The following PLCH1 variants were observed in gnomAD, a reference collection of about 807,000 sequenced individuals.
PLCH1 encodes the protein 1-phosphatidylinositol 4,5-bisphosphate phosphodiesterase eta-1.
In PLCH1, 60 loss-of-function variants were observed where a neutral mutation model predicts 126.7. The observed-to-expected ratio is 0.47, with a 90% CI of 0.38 to 0.59. The LOEUF (loss-of-function observed/expected upper bound fraction) is 0.59, where lower values mean the gene tolerates loss of function less well. Ranked by LOEUF, PLCH1 falls within the 20% of genes least tolerant of loss-of-function variation. PLCH1 has a pLI of 0.00. For missense variants in PLCH1, 1,723 were observed against 2,040.0 expected (o/e 0.84, Z 2.99); for synonymous variants, 719 against 734.9 (o/e 0.98, Z 0.35).
rs1171483291 is a variant in PLCH1, at chr3:155,594,185, CTG to C, written c.227-3_227-2del. ...ACTTTGTAAATGGAATCAATAAGTACTGTGAGGAAAATGAGATACACACAGTT... is the reference window on the plus strand; with the variant it reads ...ACTTTGTAAATGGAATCAATAAGTACTGAGGAAAATGAGATACACACAGTT... On this transcript the variant is annotated splice_acceptor_variant and splice_polypyrimidine_tract_variant and intron_variant, in intron 3 of 22. Coordinates refer to ENST00000460012, the MANE Select transcript of PLCH1 (RefSeq NM_014996.4). LOFTEE classifies it high-confidence loss of function. 1 of 1,612,564 alleles carries C rather than the reference CTG, an allele frequency of 6.2e-7. No homozygotes were observed. Among genetic ancestry groups the C allele is most frequent in the Non-Finnish European group, 8.5e-7 (1 of 1,178,968 alleles).
At chr3:155,638,753 T>C (rs529709631) in intron 2 of PLCH1, among the ~76,000 whole-genome samples, 1 of 152,218 alleles carries the variant, frequency 6.6e-6, no homozygotes, top group Admixed American at 6.5e-5. Flanking sequence ...TCATGCAACA[T>C]TGCTGTTAGA....
chr3:155,567,595 G>A (rs1474137858), intron 7 of PLCH1, among the ~76,000 whole-genome samples: 1 of 151,960 alleles, frequency 6.6e-6, no homozygotes, highest in South Asian at 2.1e-4. Context: ...CCTCCTCTTG[G>A]GTGGCAGCCT....
intron 2 of PLCH1, among the ~76,000 whole-genome samples, chr3:155,654,866 G>A (rs1348771174): frequency 4.6e-5 from 7 of 152,080 alleles, no homozygotes; most frequent in African/African-American, 7.2e-5. Context: ...TTACCCTTAG[G>A]AAAAACTCTA....
In PLCH1 at chr3:155,494,200, G is replaced by A; in HGVS notation, c.2123C>T (p.Ala708Val). 6.2e-7 allele frequency: 1 copy of A among 1,614,132 alleles called. No individual in the cohort carries two copies. Among genetic ancestry groups the A allele is most frequent in the Non-Finnish European group, 8.5e-7 (1 of 1,180,000 alleles). ...ACAATTGCCATTTGCCTTGAATTTG[G>A]CTCGGTTTAACTGCATCATTCGTCC... The part of the protein sequence containing the change: ...SEGRMMQLNR[A>V]KFKANGNCGY... The change falls in exon 17 of 23, where the codon GCC (alanine) becomes GTC (valine). Residue 708 changes from alanine to valine, a missense_variant. Ala to Val is a moderately conservative substitution (Grantham distance 64, BLOSUM62 0). This residue lies in a region of PLCH1 where 776 missense variants were observed against 1,062.9 expected (regional missense o/e 0.73). Coordinates refer to ENST00000460012, the MANE Select transcript of PLCH1 (RefSeq NM_014996.4).
chr3:155,610,288 G>A (rs1051801353), intron 2 of PLCH1, among the ~76,000 whole-genome samples: 2 of 148,372 alleles, frequency 1.3e-5, no homozygotes, highest in African/African-American at 5.0e-5. Flanking sequence ...TTGAACCTGG[G>A]AGGCAGAGGT....
At chr3:155,520,462 T>C (rs1409341215) in intron 11 of PLCH1, among the ~76,000 whole-genome samples, 1 of 152,212 alleles carries the variant, frequency 6.6e-6, no homozygotes, top group Non-Finnish European at 1.5e-5. Flanking sequence ...TTGGTGTTTA[T>C]GGGATCAGCT....
At chr3:155,528,545 G>A (rs946062691) in intron 10 of PLCH1, among the ~76,000 whole-genome samples, 1 of 152,140 alleles carries the variant, frequency 6.6e-6, no homozygotes, top group African/African-American at 2.4e-5. Context: ...AGATGAAACT[G>A]TACACAAGAC....
At position 155,574,212 on chromosome 3, in the gene PLCH1, GC is replaced by G. The variant is rs755890446; in HGVS notation, c.772-5889del. On this transcript the variant is annotated intron_variant, in intron 6 of 22. Coordinates refer to ENST00000460012, the MANE Select transcript of PLCH1 (RefSeq NM_014996.4). ...TTACAGGAGTAAGCCACCATACCCA[GC>G]CCCCCTTACCTCTTACATACAGTTT... Among the ~76,000 whole-genome samples, 118 of 152,126 alleles carry G rather than the reference GC, an allele frequency of 7.8e-4. 1 individual carries two copies. The highest frequency in any genetic ancestry group is 1.3e-3 in the Non-Finnish European group (91 of 68,020).
At chr3:155,692,509 C>T (rs1745468614) in intron 2 of PLCH1, among the ~76,000 whole-genome samples, 1 of 151,886 alleles carries the variant, frequency 6.6e-6, no homozygotes, top group Non-Finnish European at 1.5e-5. Context: ...TCCCATGTTC[C>T]AGAGATGATT....
intron 12 of PLCH1, among the ~76,000 whole-genome samples, chr3:155,514,313 G>T (rs965246043): frequency 1.3e-5 from 2 of 152,174 alleles, no homozygotes; most frequent in Admixed American, 1.3e-4. Flanking sequence ...TCCAAGGGCG[G>T]TCACCCCCAT....
chr3:155,528,620 T>C (rs1023478035), intron 10 of PLCH1, among the ~76,000 whole-genome samples: 2 of 152,212 alleles, frequency 1.3e-5, no homozygotes, highest in African/African-American at 4.8e-5. Context: ...AAAACCAACA[T>C]ATGTTTTTAA....
At chr3:155,595,246 T>A (rs1447384728) in intron 3 of PLCH1, among the ~76,000 whole-genome samples, 1 of 152,158 alleles carries the variant, frequency 6.6e-6, no homozygotes, top group Non-Finnish European at 1.5e-5. Flanking sequence ...AATATGAAGG[T>A]TTGGATCACT....
intron 10 of PLCH1, among the ~76,000 whole-genome samples, chr3:155,526,780 T>G (rs558316505): frequency 6.6e-6 from 1 of 152,206 alleles, no homozygotes; most frequent in Non-Finnish European, 1.5e-5. Context: ...CTACAGGGAC[T>G]GTGGAATATT....
intron 1 of PLCH1, among the ~76,000 whole-genome samples, chr3:155,728,214 T>C (rs986288005): frequency 7.9e-5 from 12 of 152,138 alleles, no homozygotes; most frequent in Non-Finnish European, 1.5e-4. Flanking sequence ...CGAGGGTGTG[T>C]TGCTAAGAAG....
At chr3:155,659,016 A>G (rs1741775740) in intron 2 of PLCH1, among the ~76,000 whole-genome samples, 1 of 152,228 alleles carries the variant, frequency 6.6e-6, no homozygotes, top group Non-Finnish European at 1.5e-5. Flanking sequence ...GAGCCATACC[A>G]CATTCAAAGA....
rs746513850 is a variant in PLCH1, at chr3:155,646,301, C to T, written c.80-49923G>A. 2.6e-5 allele frequency among the ~76,000 whole-genome samples: 4 copies of T among 152,186 alleles called. No homozygotes were observed. In the South Asian group the frequency reaches 8.3e-4, roughly 32 times the overall value. On this transcript the variant is annotated intron_variant, in intron 2 of 22. Transcript: ENST00000460012. ...ATGACATCACCAACCACCCACTGGCCGAAGCCTCCCCTTCTCCTTCCTGAA... is the reference window on the plus strand; with the variant it reads ...ATGACATCACCAACCACCCACTGGCTGAAGCCTCCCCTTCTCCTTCCTGAA...
At chr3:155,452,180 G>A (rs187979864) in intron 21 of PLCH1, among the ~76,000 whole-genome samples, 6 of 152,296 alleles carry the variant, frequency 3.9e-5, no homozygotes, top group African/African-American at 1.4e-4. Context: ...ATGATAGGAG[G>A]AGAAAGGCAC....
chr3:155,541,725 G>A (rs977626604), intron 10 of PLCH1, among the ~76,000 whole-genome samples: 1 of 152,066 alleles, frequency 6.6e-6, no homozygotes, highest in Non-Finnish European at 1.5e-5. Flanking sequence ...TTACCAAAAT[G>A]TGACACAGAG....
chr3:155,571,648 C>T (rs753870778), intron 6 of PLCH1, among the ~76,000 whole-genome samples: 24 of 152,228 alleles, frequency 1.6e-4, no homozygotes, highest in Non-Finnish European at 2.9e-4. Flanking sequence ...ATCTGCCCAC[C>T]TCGGCCTCCC....
Sources: gnomAD v4.1 joint callset for allele counts (sites outside exome capture counted in the v4.1 genomes callset) on GRCh38, gnomAD v4.1.1 for gene constraint, gnomAD v4.1.1 regional missense constraint, MANE v1.5 for transcripts, NCBI Gene and HGNC (gene_info 2026-07-23, HGNC 2026-07-21) for gene names.